Variants in AFF2 observed in about 807,000 individuals in gnomAD.
The protein encoded by AFF2 is ALF transcription elongation factor 2, also known as AF4/FMR2 family member 2.
A neutral mutation model predicts 76.9 loss-of-function variants in AFF2; 14 were observed. The observed-to-expected ratio is 0.18, with a 90% CI of 0.12 to 0.28. The LOEUF (loss-of-function observed/expected upper bound fraction) is 0.28. Ranked by LOEUF, AFF2 falls within the 10% of genes least tolerant of loss-of-function variation. AFF2 has a pLI of 1.00. For synonymous variants in AFF2, 398 were observed against 366.7 expected (o/e 1.09, Z -0.98); for missense variants, 868 against 1,001.1 (o/e 0.87, Z 1.79).
intron 3 of AFF2, among the ~76,000 whole-genome samples, chrX:148,663,056 G>A (rs186829682): frequency 8.9e-6 from 1 of 112,219 alleles, no homozygotes; most frequent in African/African-American, 3.2e-5. Context: ...TACAGTTGTG[G>A]TAATACTATG....
chrX:148,878,737 T>A (rs186638667), intron 7 of AFF2, among the ~76,000 whole-genome samples: 1 of 112,285 alleles, frequency 8.9e-6, no homozygotes, highest in East Asian at 2.8e-4. Context: ...CAGGTTGATC[T>A]ACTGAGTTAT....
rs927293379 is a variant in AFF2 at position 148,994,539 on chromosome X, G to A, written c.*3207G>A. ...TACTACTTTTAAAAGACTTAAGGTCGGGATGCCTTTTTTTCCATGTAAGGA... is the reference window on the plus strand; with the variant it reads ...TACTACTTTTAAAAGACTTAAGGTCAGGATGCCTTTTTTTCCATGTAAGGA... On this transcript the variant is annotated 3_prime_UTR_variant, in exon 21 of 21. Transcript: ENST00000370460. 3.6e-5 allele frequency: 4 copies of A among 111,940 alleles called. No individual in the cohort carries two copies. The highest frequency in any genetic ancestry group is 9.4e-5 in the Admixed American group (1 of 10,589). The allele number at this position is 111,940 out of a possible 1,213,427, so 9.2% of individuals were successfully genotyped here.
intron 3 of AFF2, among the ~76,000 whole-genome samples, chrX:148,800,144 T>G (rs927164778): frequency 1.8e-5 from 2 of 111,971 alleles, no homozygotes; most frequent in African/African-American, 6.5e-5. Context: ...ATAGGGGAGC[T>G]GGCGAGGATT....
chrX:148,780,128 A>G lies in AFF2; in HGVS notation c.1042-29748A>G, dbSNP rs782046402. Among the ~76,000 whole-genome samples the G allele has an allele frequency of 5.3e-5, 6 of 112,507 alleles. No homozygotes were observed. In the South Asian group the frequency reaches 1.5e-3, roughly 28 times the overall value. On this transcript the variant is annotated intron_variant, in intron 3 of 20. Coordinates refer to ENST00000370460, the MANE Select transcript of AFF2 (RefSeq NM_002025.4). The stretch of plus-strand genomic sequence containing the variant: ...TGCAGAGAGATCTGCTGTTAATCGA[A>G]TAGGCTTCCCTTTGTGGGTAACCCA...
chrX:148,661,679 G>T (rs1050745720), intron 2 of AFF2, among the ~76,000 whole-genome samples: 1 of 111,798 alleles, frequency 8.9e-6, no homozygotes, highest in African/African-American at 3.2e-5. Flanking sequence ...ACTGGCTAGG[G>T]AGTATAAAAA....
At position 148,792,623 on chromosome X, in the gene AFF2, G is replaced by A. The variant is rs182438441; in HGVS notation, c.1042-17253G>A. Reference sequence around the variant, plus strand: ...GTTATGTAAAATGGCAGTGCTAAGAGGGTCTTTATATAGAATTCTGTGTGC... The same window carrying A: ...GTTATGTAAAATGGCAGTGCTAAGAAGGTCTTTATATAGAATTCTGTGTGC... On this transcript the variant is annotated intron_variant, in intron 3 of 20. Transcript: ENST00000370460. Among the ~76,000 whole-genome samples the A allele has an allele frequency of 5.9e-4, 66 of 112,307 alleles. 1 individual carries two copies. The highest frequency in any genetic ancestry group is 1.1e-4 in the Non-Finnish European group (6 of 53,260).
intron 3 of AFF2, among the ~76,000 whole-genome samples, chrX:148,710,163 C>T (rs1208226699): frequency 2.7e-5 from 3 of 111,862 alleles, no homozygotes; most frequent in African/African-American, 6.5e-5. Flanking sequence ...TTAGAAATTA[C>T]GCATTCAACT....
At chrX:148,709,138 G>T (rs1437279489) in intron 3 of AFF2, among the ~76,000 whole-genome samples, 3 of 111,146 alleles carry the variant, frequency 2.7e-5, no homozygotes, top group Non-Finnish European at 5.7e-5. Flanking sequence ...TAAGAAAATT[G>T]CTTTCTGCTG....
chrX:148,748,764 G>A (rs1444905192), intron 3 of AFF2, among the ~76,000 whole-genome samples: 4 of 111,603 alleles, frequency 3.6e-5, no homozygotes, highest in African/African-American at 1.3e-4. Flanking sequence ...CTGAAAAAGT[G>A]CTTAACCTTT....
intron 8 of AFF2, among the ~76,000 whole-genome samples, chrX:148,889,054 A>G (rs1172504340): frequency 1.8e-5 from 2 of 111,990 alleles, no homozygotes; most frequent in African/African-American, 6.5e-5. Context: ...ACCTTGACTC[A>G]TTTGAAGAAA....
intron 3 of AFF2, among the ~76,000 whole-genome samples, chrX:148,686,083 T>A (rs2054599306): frequency 9.0e-6 from 1 of 111,703 alleles, no homozygotes; most frequent in Admixed American, 9.6e-5. Flanking sequence ...AACATGGAAT[T>A]CAGTAGTATA....
intron 4 of AFF2, among the ~76,000 whole-genome samples, chrX:148,817,606 C>T (rs1196384713): frequency 8.9e-6 from 1 of 111,944 alleles, no homozygotes; most frequent in Non-Finnish European, 1.9e-5. Flanking sequence ...TTGCAAAGTA[C>T]TTTTTAGAAA....
intron 1 of AFF2, among the ~76,000 whole-genome samples, chrX:148,516,303 A>T (rs1214657330): frequency 8.9e-6 from 1 of 111,800 alleles, no homozygotes; most frequent in African/African-American, 3.3e-5. Flanking sequence ...TCTCCTGCAT[A>T]TAAACTTTTT....
intron 3 of AFF2, among the ~76,000 whole-genome samples, chrX:148,737,481 T>C (rs1557265202): frequency 8.9e-6 from 1 of 112,111 alleles, no homozygotes; most frequent in Non-Finnish European, 1.9e-5. Context: ...CTGGAAACTT[T>C]GTTGAATTCT....
Position 148,997,570 on chromosome X carries a change from C to A in AFF2, c.*6238C>A. 1 of 112,198 alleles carries A rather than the reference C, an allele frequency of 8.9e-6. No individual in the cohort carries two copies. Among genetic ancestry groups the A allele is most frequent in the Non-Finnish European group, 1.9e-5 (1 of 53,265 alleles). The allele number at this position is 112,198 out of a possible 1,213,427, so 9.2% of individuals were successfully genotyped here. On this transcript the variant is annotated 3_prime_UTR_variant, in exon 21 of 21. Transcript: ENST00000370460. The stretch of plus-strand genomic sequence containing the variant: ...CCATGTCTTACTCGCTCTTTCTGGC[C>A]CTTCTGTCTTTTGCCTCTGCAATTC...
chrX:148,890,496 A>G (rs1369496740), intron 8 of AFF2, among the ~76,000 whole-genome samples: 1 of 112,204 alleles, frequency 8.9e-6, no homozygotes. Context: ...TGGCCTAGGT[A>G]TCCATAGGGA....
intron 7 of AFF2, among the ~76,000 whole-genome samples, chrX:148,865,557 G>A: frequency 8.9e-6 from 1 of 111,968 alleles, no homozygotes; most frequent in Middle Eastern, 4.7e-3. Flanking sequence ...GACACACTGT[G>A]TACACAGAAT....
At chrX:148,742,623 T>G (rs1569554686) in intron 3 of AFF2, among the ~76,000 whole-genome samples, 1 of 111,591 alleles carries the variant, frequency 9.0e-6, no homozygotes, top group Non-Finnish European at 1.9e-5. Context: ...AAAATGGGAC[T>G]AATAGAATCC....
chrX:148,707,358 A>T (rs2054898602), intron 3 of AFF2, among the ~76,000 whole-genome samples: 1 of 111,368 alleles, frequency 9.0e-6, no homozygotes, highest in Non-Finnish European at 1.9e-5. Context: ...GTAGGCATTA[A>T]CATATTAATC....
Sources: gnomAD v4.1 joint callset for allele counts (sites outside exome capture counted in the v4.1 genomes callset) on GRCh38, gnomAD v4.1.1 for gene constraint, MANE v1.5 for transcripts, NCBI Gene and HGNC (gene_info 2026-07-23, HGNC 2026-07-21) for gene names.